Variants in NRG1 observed in about 807,000 individuals in gnomAD.
NRG1 encodes the protein neuregulin 1.
NRG1 carries 18 observed loss-of-function variants against 63.8 expected under a neutral mutation model. The ratio of observed to expected loss-of-function variants is 0.28; its 90% CI spans 0.19 to 0.42. The LOEUF (loss-of-function observed/expected upper bound fraction) is 0.42, where lower values mean the gene tolerates loss of function less well. Ranked by LOEUF, NRG1 falls within the 10% of genes least tolerant of loss-of-function variation. The probability of loss-of-function intolerance (pLI) is 1.00; values close to 1 mark genes in which losing one functional copy is unlikely to be tolerated. For synonymous variants in NRG1, 302 were observed against 301.3 expected (o/e 1.00, Z -0.02); for missense variants, 762 against 814.7 (o/e 0.94, Z 0.79).
At chr8:32,082,153 C>A (rs1425325725) in intron 1 of NRG1, among the ~76,000 whole-genome samples, 4 of 151,600 alleles carry the variant, frequency 2.6e-5, no homozygotes, top group Admixed American at 6.6e-5. Flanking sequence ...GGATGATGAT[C>A]CTGAGAGCAT....
rs112597756 is a variant in NRG1 at position 31,862,185 on chromosome 8, C to A, written c.37+222754C>A. Among the ~76,000 whole-genome samples the A allele has an allele frequency of 5.6e-3, 856 of 152,250 alleles. 3 individuals carry two copies. The highest frequency in any genetic ancestry group is 9.2e-3 in the Non-Finnish European group (623 of 68,012). ...TCTAATTTACATCAGGGAGCAGATA[C>A]CTCTTTACTTTTTTGAGATTTTTCT... On this transcript the variant is annotated intron_variant, in intron 1 of 10. Transcript: ENST00000519301.
At chr8:31,747,320 G>A (rs1261644109) in intron 1 of NRG1, among the ~76,000 whole-genome samples, 2 of 151,864 alleles carry the variant, frequency 1.3e-5, no homozygotes, top group African/African-American at 4.8e-5. Context: ...CAAAAAAAGT[G>A]TTGGAAGAGT....
At chr8:32,517,224 CA>C (rs1468446011) in intron 1 of NRG1, among the ~76,000 whole-genome samples, 1 of 152,098 alleles carries the variant, frequency 6.6e-6, no homozygotes, top group African/African-American at 2.4e-5. Context: ...TAAAATACAT[CA>C]AATTCCTTGC....
intron 1 of NRG1, among the ~76,000 whole-genome samples, chr8:32,537,508 T>A (rs931819947): frequency 5.3e-5 from 8 of 152,176 alleles, no homozygotes; most frequent in African/African-American, 1.9e-4. Context: ...ATAGTAAAAT[T>A]TACCTATTCT....
At chr8:32,152,299 G>A (rs1048158507) in intron 1 of NRG1, among the ~76,000 whole-genome samples, 2 of 152,208 alleles carry the variant, frequency 1.3e-5, no homozygotes, top group African/African-American at 2.4e-5. Context: ...AAGAAACCCT[G>A]ATGGCTTTGT....
At chr8:31,718,956 T>G (rs549627646) in intron 1 of NRG1, among the ~76,000 whole-genome samples, 1 of 152,342 alleles carries the variant, frequency 6.6e-6, no homozygotes, top group East Asian at 1.9e-4. Context: ...TGTATGTATA[T>G]GTATACATAT....
chr8:32,062,405 CTAGTTTTGTT>C (rs1338547078), intron 1 of NRG1, among the ~76,000 whole-genome samples: 1 of 151,924 alleles, frequency 6.6e-6, no homozygotes, highest in African/African-American at 2.4e-5. Context: ...TTGGGGGGAA[CTAGTTTTGTT>C]TAGCTTTATA....
chr8:32,250,296 T>G (rs990663953), intron 1 of NRG1, among the ~76,000 whole-genome samples: 18 of 152,024 alleles, frequency 1.2e-4, no homozygotes, highest in African/African-American at 3.9e-4. Context: ...AGGAAGGCTT[T>G]ATTCTCTCTG....
At chr8:31,811,441 C>T (rs1822875177) in intron 1 of NRG1, among the ~76,000 whole-genome samples, 1 of 152,146 alleles carries the variant, frequency 6.6e-6, no homozygotes, top group Non-Finnish European at 1.5e-5. Context: ...AAAATTTTCC[C>T]CGATGTGCCA....
chr8:31,902,480 C>A (rs544647272), intron 1 of NRG1, among the ~76,000 whole-genome samples: 1 of 152,178 alleles, frequency 6.6e-6, no homozygotes, highest in Admixed American at 6.5e-5. Context: ...ACTGGATAAC[C>A]ATTCAATACG....
chr8:32,496,413 T>C (rs373799727), intron 1 of NRG1, among the ~76,000 whole-genome samples: 16 of 152,094 alleles, frequency 1.1e-4, no homozygotes, highest in African/African-American at 3.6e-4. Flanking sequence ...GGGACCCCCA[T>C]TTCTAAAAAA....
At chr8:32,075,888 G>T (rs1586922317) in intron 1 of NRG1, among the ~76,000 whole-genome samples, 1 of 152,300 alleles carries the variant, frequency 6.6e-6, no homozygotes, top group East Asian at 1.9e-4. Context: ...GGCCAGGCTG[G>T]TCTCAAACTC....
intron 1 of NRG1, among the ~76,000 whole-genome samples, chr8:32,482,091 G>A (rs1185595235): frequency 2.6e-5 from 4 of 152,048 alleles, no homozygotes; most frequent in African/African-American, 9.7e-5. Flanking sequence ...AAGATGACTG[G>A]GAACAGAACC....
intron 1 of NRG1, among the ~76,000 whole-genome samples, chr8:32,238,175 G>C (rs970933397): frequency 6.6e-6 from 1 of 152,058 alleles, no homozygotes; most frequent in Non-Finnish European, 1.5e-5. Flanking sequence ...AAATCCTTTA[G>C]GAGGGGGCCA....
chr8:32,731,448 TA>T (rs1306617677), intron 6 of NRG1, among the ~76,000 whole-genome samples: 1 of 152,064 alleles, frequency 6.6e-6, no homozygotes, highest in African/African-American at 2.4e-5. Context: ...GTAAGTTATT[TA>T]AATTATTACT....
chr8:32,351,802 C>T (rs184245685), intron 1 of NRG1, among the ~76,000 whole-genome samples: 3 of 152,290 alleles, frequency 2.0e-5, no homozygotes, highest in Admixed American at 2.0e-4. Flanking sequence ...TATTTTTTAC[C>T]ACAGTGAACT....
At chr8:32,447,184 TA>T (rs1254632442) in intron 1 of NRG1, among the ~76,000 whole-genome samples, 20 of 151,194 alleles carry the variant, frequency 1.3e-4, no homozygotes, top group Admixed American at 1.3e-3. Flanking sequence ...CACACCCGGC[TA>T]ATTTTTTTTT....
chr8:32,538,542 T>C lies in NRG1; in HGVS notation c.38-57286T>C, dbSNP rs60830519. Among the ~76,000 whole-genome samples the C allele has an allele frequency of 2.5e-3, 387 of 152,320 alleles. 2 individuals carry two copies. The highest frequency in any genetic ancestry group is 9.0e-3 in the African/African-American group (373 of 41,586). ...TAATGACAAAAATCAGCTAGGCTTG[T>C]TCTTGAATCCCTCAAACTGTAACTT... On this transcript the variant is annotated intron_variant, in intron 1 of 10. Transcript: ENST00000519301.
intron 1 of NRG1, among the ~76,000 whole-genome samples, chr8:32,316,711 G>T (rs1386937754): frequency 2.6e-5 from 4 of 151,938 alleles, no homozygotes; most frequent in Non-Finnish European, 5.9e-5. Context: ...TTGATCCTCG[G>T]TGTGAAACTT....
Sources: allele counts gnomAD v4.1 joint callset (sites outside exome capture counted in the v4.1 genomes callset), GRCh38; gene constraint gnomAD v4.1.1; transcripts MANE v1.5; gene names NCBI Gene and HGNC (gene_info 2026-07-23, HGNC 2026-07-21).